The following RBM33 variants were observed in gnomAD, a reference collection of about 807,000 sequenced individuals.
RBM33 encodes the protein RNA binding motif protein 33.
Under a neutral mutation model 132.6 loss-of-function variants are expected in RBM33, and 28 were observed. That is an observed-to-expected ratio of 0.21 (90% CI 0.16 to 0.29). The LOEUF is 0.29. RBM33 is among the 10% of genes least tolerant of loss of function. The pLI is 1.00. For missense variants in RBM33, 1,291 were observed against 1,518.5 expected (o/e 0.85, Z 2.49); for synonymous variants, 634 against 593.0 (o/e 1.07, Z -1.01).
chr7:155,665,065 T>A (rs1798764451), intron 1 of RBM33, 110 bp from the exon 2 acceptor site: 2 of 795,026 alleles, frequency 2.5e-6, no homozygotes, highest in Admixed American at 4.8e-5. Flanking sequence ...ACTTTTGTAA[T>A]TTAAAATGTC....
intron 14 of RBM33, among the ~76,000 whole-genome samples, chr7:155,757,817 A>G (rs973283568): frequency 7.7e-5 from 11 of 143,114 alleles, no homozygotes; most frequent in African/African-American, 1.8e-4. Context: ...GAAGCTTCCA[A>G]TCATGGTGGA....
At chr7:155,711,656 CA>C (rs933616857) in intron 8 of RBM33, among the ~76,000 whole-genome samples, 3 of 152,168 alleles carry the variant, frequency 2.0e-5, no homozygotes, top group African/African-American at 7.2e-5. Context: ...CGAAGCTGGG[CA>C]GGGGGAGCTG....
chr7:155,711,315 C>A lies in RBM33; in HGVS notation c.1061C>A (p.Ser354Tyr), dbSNP rs1197398970. 1 of 1,607,188 alleles carries A rather than the reference C, an allele frequency of 6.2e-7. No individual in the cohort carries two copies. Among genetic ancestry groups the A allele is most frequent in the Admixed American group, 1.7e-5 (1 of 58,908 alleles). The part of the protein sequence containing the change: ...LLPVQHPHHP[S>Y]PPQGMHMPPQ... ...CCGGTGCAGCACCCGCACCACCCAT[C>A]CCCGCCTCAGGGAATGCACATGCCT... Residue 354 changes from serine to tyrosine, a missense_variant, in exon 8 of 18, where the codon TCC becomes TAC. By Grantham distance (144) the Ser-to-Tyr change is moderately radical (BLOSUM62 -2). Around this residue, in one of 7 missense-constraint regions of RBM33, gnomAD observed 146 missense variants for 137.1 expected, o/e 1.07. Coordinates refer to ENST00000401878, the MANE Select transcript of RBM33 (RefSeq NM_053043.3).
chr7:155,706,576 A>G (rs1165155850), intron 6 of RBM33, among the ~76,000 whole-genome samples: 4 of 152,156 alleles, frequency 2.6e-5, no homozygotes, highest in African/African-American at 9.7e-5. Context: ...TTTTAGCCTC[A>G]GTCAGCACAT....
chr7:155,720,429 G>T (rs1048313920), intron 9 of RBM33, among the ~76,000 whole-genome samples: 2 of 152,148 alleles, frequency 1.3e-5, no homozygotes, highest in East Asian at 1.9e-4. Context: ...CACCAGTCTT[G>T]TTGGGAAGGA....
At chr7:155,688,071 T>C (rs984323081) in intron 5 of RBM33, among the ~76,000 whole-genome samples, 12 of 152,338 alleles carry the variant, frequency 7.9e-5, no homozygotes, top group African/African-American at 2.9e-4. Flanking sequence ...TTGGACAGTA[T>C]GGCCATTTTC....
intron 5 of RBM33, among the ~76,000 whole-genome samples, chr7:155,682,993 T>G (rs769476961): frequency 1.3e-4 from 19 of 151,106 alleles, no homozygotes. Context: ...TTTTTCAGAA[T>G]TAAAGTCTTG....
chr7:155,707,573 G>A (rs913349786), intron 7 of RBM33, among the ~76,000 whole-genome samples: 1 of 152,114 alleles, frequency 6.6e-6, no homozygotes, highest in Non-Finnish European at 1.5e-5. Context: ...AATAAATCAT[G>A]TACCTGTAAT....
At chr7:155,771,770 C>T (rs1214811727) in intron 16 of RBM33, among the ~76,000 whole-genome samples, 2 of 152,070 alleles carry the variant, frequency 1.3e-5, no homozygotes, top group African/African-American at 4.8e-5. Context: ...CTCGCTCTGT[C>T]ACCCAGGCTG....
intron 16 of RBM33, among the ~76,000 whole-genome samples, chr7:155,770,617 T>C (rs1802395532): frequency 1.3e-5 from 2 of 150,910 alleles, no homozygotes; most frequent in East Asian, 3.9e-4. Flanking sequence ...TTTTTTTCCT[T>C]TAAGTGATTC....
At chr7:155,685,116 A>G in intron 5 of RBM33, 1 of 1,503,468 alleles carries the variant, frequency 6.7e-7, no homozygotes, top group Non-Finnish European at 9.0e-7. Flanking sequence ...ACTTAAAATG[A>G]GCATCTTTTT....
In RBM33 at chr7:155,739,879, GCACCACCACCAC is replaced by G; in HGVS notation, c.1913_1924del (p.His638_His641del). 1 of 1,386,458 alleles carries G rather than the reference GCACCACCACCAC, an allele frequency of 7.2e-7. No individual in the cohort carries two copies. Among genetic ancestry groups the G allele is most frequent in the Non-Finnish European group, 9.6e-7 (1 of 1,045,830 alleles). The allele number at this position is 1,386,458 out of a possible 1,614,324, so 85.9% of individuals were successfully genotyped here. On this transcript the variant is annotated inframe_deletion, in exon 12 of 18. Transcript: ENST00000401878. ...CACCACAGCACCCGCCGCAGCACCA[GCACCACCACCAC>G]CACCACCACCTGTCCGTCCCGCCCC...
intron 14 of RBM33, among the ~76,000 whole-genome samples, chr7:155,755,152 C>T (rs924231835): frequency 7.9e-5 from 12 of 152,142 alleles, no homozygotes; most frequent in Non-Finnish European, 2.9e-5. Flanking sequence ...AGGGATAGGC[C>T]CAGCATTGTT....
intron 16 of RBM33, chr7:155,766,992 A>G: frequency 3.5e-6 from 1 of 286,638 alleles, no homozygotes; most frequent in Non-Finnish European, 6.4e-6. Flanking sequence ...TTTTATTTGT[A>G]ATAACATTAC....
At chr7:155,654,382 G>A (rs1410725049) in intron 1 of RBM33, among the ~76,000 whole-genome samples, 3 of 151,000 alleles carry the variant, frequency 2.0e-5, no homozygotes, top group African/African-American at 4.9e-5. Context: ...ATGTTTTATC[G>A]ATTAATTAGT....
chr7:155,691,424 T>G (rs886276263), intron 5 of RBM33, among the ~76,000 whole-genome samples: 7 of 152,234 alleles, frequency 4.6e-5, no homozygotes, highest in African/African-American at 1.4e-4. Flanking sequence ...CTTCCTCATT[T>G]AGCTTGGATG....
In RBM33 at chr7:155,775,032, C is replaced by G. The variant is rs139259621; in HGVS notation, c.3504C>G (p.Ile1168Met). ...TGTCCCACATAAATGTGGCCCTGAT[C>G]GTGGAGTGAGTCCTAACAAGAGAGC... ...IDLSHINVAL[I>M]VE Residue 1168 changes from isoleucine to methionine, a missense_variant, in exon 18 of 18, where the codon ATC (isoleucine) becomes ATG (methionine). By Grantham distance (10) the Ile-to-Met change is conservative. This residue lies in a region of RBM33 where 55 missense variants were observed against 101.4 expected (regional missense o/e 0.54). Transcript: ENST00000401878. 1.9e-6 allele frequency: 3 copies of G among 1,613,220 alleles called. No homozygotes were observed. Among genetic ancestry groups the G allele is most frequent in the African/African-American group, 1.3e-5 (1 of 74,894 alleles).
At chr7:155,695,260 A>G (rs1799759784) in intron 5 of RBM33, among the ~76,000 whole-genome samples, 1 of 152,028 alleles carries the variant, frequency 6.6e-6, no homozygotes, top group Non-Finnish European at 1.5e-5. Flanking sequence ...TATATCCTAT[A>G]TATTTTTCAT....
intron 5 of RBM33, among the ~76,000 whole-genome samples, chr7:155,698,518 G>C (rs1382029163): frequency 6.6e-6 from 1 of 152,162 alleles, no homozygotes; most frequent in African/African-American, 2.4e-5. Flanking sequence ...TTGTCAAATG[G>C]GCTGCAGTTA....
Sources: gnomAD v4.1 joint callset for allele counts (sites outside exome capture counted in the v4.1 genomes callset) on GRCh38, gnomAD v4.1.1 for gene constraint, gnomAD v4.1.1 regional missense constraint, MANE v1.5 for transcripts, NCBI Gene and HGNC (gene_info 2026-07-23, HGNC 2026-07-21) for gene names.